HS6ST3: variants seen among roughly 807,000 people sequenced by gnomAD.
HS6ST3 encodes the protein heparan sulfate 6-O-sulfotransferase 3.
In HS6ST3, 12 loss-of-function variants were observed where a neutral mutation model predicts 36.7. The observed-to-expected ratio is 0.33, with a 90% CI of 0.21 to 0.53. The LOEUF is 0.53. Among genes scored for constraint, HS6ST3 ranks in the 20% least tolerant of loss-of-function variants. The pLI is 0.95. For missense variants in HS6ST3, 584 were observed against 640.9 expected, an observed-to-expected ratio of 0.91 and a Z score of 0.96; for synonymous variants, 240 against 257.5, an observed-to-expected ratio of 0.93 and a Z score of 0.65.
chr13:96,171,276 C>T (rs993940944), intron 1 of HS6ST3, among the ~76,000 whole-genome samples: 1 of 152,138 alleles, frequency 6.6e-6, no homozygotes, highest in Admixed American at 6.5e-5. Flanking sequence ...CTCCTTCCAC[C>T]TTCCTCGACC....
chr13:96,445,021 G>A (rs1295258779), intron 1 of HS6ST3, among the ~76,000 whole-genome samples: 1 of 152,126 alleles, frequency 6.6e-6, no homozygotes, highest in East Asian at 1.9e-4. Flanking sequence ...AAAAATGGGG[G>A]TATCAAATGT....
At chr13:96,550,363 T>C (rs897205625) in intron 1 of HS6ST3, among the ~76,000 whole-genome samples, 4 of 152,156 alleles carry the variant, frequency 2.6e-5, no homozygotes, top group Non-Finnish European at 4.4e-5. Flanking sequence ...CCACCATCAG[T>C]AAGAGCTTCC....
chr13:96,517,911 A>G (rs977471935), intron 1 of HS6ST3, among the ~76,000 whole-genome samples: 11 of 152,172 alleles, frequency 7.2e-5, no homozygotes, highest in Admixed American at 6.5e-5. Context: ...ATGCACGCAA[A>G]TATTCATTGC....
intron 1 of HS6ST3, among the ~76,000 whole-genome samples, chr13:96,625,873 C>T (rs1028655187): frequency 1.3e-5 from 2 of 151,098 alleles, no homozygotes; most frequent in South Asian, 4.2e-4. Context: ...CGGAGTCTTG[C>T]TCTGTCACCC....
intron 1 of HS6ST3, among the ~76,000 whole-genome samples, chr13:96,489,401 CACAT>C (rs760203840): frequency 6.6e-5 from 10 of 151,244 alleles, no homozygotes; most frequent in Admixed American, 3.3e-4. Context: ...CACACACACA[CACAT>C]ATAGTTTTTT....
At chr13:96,143,652 C>T (rs953530710) in intron 1 of HS6ST3, among the ~76,000 whole-genome samples, 1 of 151,796 alleles carries the variant, frequency 6.6e-6, no homozygotes, top group Admixed American at 6.6e-5. Context: ...ATAGACTGTC[C>T]TAATTAAAAA....
intron 1 of HS6ST3, among the ~76,000 whole-genome samples, chr13:96,392,109 T>C: frequency 6.6e-6 from 1 of 152,212 alleles, no homozygotes; most frequent in Non-Finnish European, 1.5e-5. Context: ...CCATGCCCTT[T>C]CTGACATTTT....
At chr13:96,761,737 A>G (rs1469413601) in intron 1 of HS6ST3, among the ~76,000 whole-genome samples, 1 of 152,188 alleles carries the variant, frequency 6.6e-6, no homozygotes, top group South Asian at 2.1e-4. Context: ...CATAAGTATT[A>G]TATTGTGAAT....
intron 1 of HS6ST3, among the ~76,000 whole-genome samples, chr13:96,304,714 T>TCTTTCTTTC (rs1555296788): frequency 1.6e-5 from 2 of 123,602 alleles, no homozygotes; most frequent in Admixed American, 8.0e-5. Context: ...TTTCTTTCTT[T>TCTTTCTTTC]TTTTTTTTTT....
At chr13:96,427,082 G>A (rs571304155) in intron 1 of HS6ST3, 3 of 154,366 alleles carry the variant, frequency 1.9e-5, no homozygotes, top group Admixed American at 6.5e-5. Context: ...CCAATATTTG[G>A]CTAAGAATGA....
At chr13:96,493,850 A>G (rs112758088) in intron 1 of HS6ST3, among the ~76,000 whole-genome samples, 8 of 152,338 alleles carry the variant, frequency 5.3e-5, no homozygotes, top group African/African-American at 1.7e-4. Flanking sequence ...GAAAATATCA[A>G]TATTTCACAT....
intron 1 of HS6ST3, among the ~76,000 whole-genome samples, chr13:96,164,691 T>C (rs747544874): frequency 4.6e-5 from 7 of 152,214 alleles, no homozygotes; most frequent in Non-Finnish European, 1.0e-4. Flanking sequence ...TTAGAAACTT[T>C]CCATGCACAG....
chr13:96,271,956 C>A (rs1332074080), intron 1 of HS6ST3, among the ~76,000 whole-genome samples: 3 of 151,984 alleles, frequency 2.0e-5, no homozygotes, highest in African/African-American at 7.3e-5. Context: ...CAATCTGCTT[C>A]TGGCTCACTA....
At chr13:96,109,875 A>G (rs2053859626) in intron 1 of HS6ST3, among the ~76,000 whole-genome samples, 1 of 152,190 alleles carries the variant, frequency 6.6e-6, no homozygotes, top group South Asian at 2.1e-4. Context: ...AGTGCCGGGT[A>G]CTGGGCTGGG....
intron 1 of HS6ST3, among the ~76,000 whole-genome samples, chr13:96,338,560 AC>A (rs1368061850): frequency 6.6e-6 from 1 of 152,200 alleles, no homozygotes; most frequent in Admixed American, 6.5e-5. Context: ...CTTTCAACAG[AC>A]ATTACCAATA....
intron 1 of HS6ST3, among the ~76,000 whole-genome samples, chr13:96,191,597 T>TCCC (rs2054288780): frequency 1.3e-5 from 2 of 152,210 alleles, no homozygotes; most frequent in Non-Finnish European, 2.9e-5. Context: ...CTGCCTCTCG[T>TCCC]GTTGTTCCTT....
chr13:96,508,265 T>G (rs1175853733), intron 1 of HS6ST3, among the ~76,000 whole-genome samples: 1 of 152,036 alleles, frequency 6.6e-6, no homozygotes, highest in Admixed American at 6.6e-5. Flanking sequence ...CTACTATAAG[T>G]TTTCTACTTG....
chr13:96,471,398 G>C (rs2071815368), intron 1 of HS6ST3, among the ~76,000 whole-genome samples: 1 of 152,182 alleles, frequency 6.6e-6, no homozygotes, highest in African/African-American at 2.4e-5. Flanking sequence ...TGGGGGAGCA[G>C]AGACAAGTGG....
chr13:96,572,226 C>A (rs1200713700), intron 1 of HS6ST3, among the ~76,000 whole-genome samples: 1 of 152,174 alleles, frequency 6.6e-6, no homozygotes, highest in African/African-American at 2.4e-5. Flanking sequence ...GTTATGGACT[C>A]TCTGTGAGTA....
Sources: allele counts gnomAD v4.1 joint callset (sites outside exome capture counted in the v4.1 genomes callset), GRCh38; gene constraint gnomAD v4.1.1; transcripts MANE v1.5; gene names NCBI Gene and HGNC (gene_info 2026-07-23, HGNC 2026-07-21).